KIRREL1: variants seen among roughly 807,000 people sequenced by gnomAD.
KIRREL1 encodes the protein kirre like nephrin family adhesion molecule 1, also known as kin of IRRE-like protein 1.
A neutral mutation model predicts 83.3 loss-of-function variants in KIRREL1; 25 were observed. The ratio of observed to expected loss-of-function variants is 0.30; its 90% confidence interval spans 0.22 to 0.42. The LOEUF is 0.42. Ranked by LOEUF, KIRREL1 falls within the 10% of genes least tolerant of loss-of-function variation. The pLI is 1.00. For synonymous variants in KIRREL1, 388 were observed against 410.4 expected (o/e 0.95, Z 0.66); for missense variants, 812 against 1,032.3 (o/e 0.79, Z 2.92).
chr1:158,024,304 A>G (rs1169520855), intron 1 of KIRREL1, among the ~76,000 whole-genome samples: 2 of 102,746 alleles, frequency 1.9e-5, no homozygotes, highest in African/African-American at 4.0e-5. Flanking sequence ...TTTGAGACAG[A>G]GTATTGCTCT....
chr1:158,017,296 T>A (rs1248114006), intron 1 of KIRREL1, among the ~76,000 whole-genome samples: 2 of 152,154 alleles, frequency 1.3e-5, no homozygotes, highest in Non-Finnish European at 2.9e-5. Flanking sequence ...TTCTAGCCCT[T>A]CTTAGTTTTC....
rs575978566 is a variant in KIRREL1, at chr1:158,048,907, C to G, written c.53-27206C>G. On this transcript the variant is annotated intron_variant, in intron 1 of 14. Transcript: ENST00000359209. The stretch of plus-strand genomic sequence containing the variant: ...AGTCCAATTTGGTAGGAGTTGAGCT[C>G]ACTTCTGAGAGAGAATTGAAAGGTA... 3.3e-5 allele frequency among the ~76,000 whole-genome samples: 5 copies of G among 152,170 alleles called. No homozygotes were observed. The South Asian group carries it at 1.0e-3, about 32-fold the overall frequency.
chr1:158,000,585 G>T (rs547147422), intron 1 of KIRREL1, among the ~76,000 whole-genome samples: 1 of 152,164 alleles, frequency 6.6e-6, no homozygotes, highest in Non-Finnish European at 1.5e-5. Context: ...GATAAAAGCT[G>T]CTGTAGCTCG....
chr1:157,993,767 C>T (rs1659109075), intron 1 of KIRREL1, 39 bp downstream of exon 1: 3 of 1,376,796 alleles, frequency 2.2e-6, no homozygotes, highest in African/African-American at 1.5e-5. Flanking sequence ...CTCGGCTTCC[C>T]CCCGGGGCCG....
intron 1 of KIRREL1, among the ~76,000 whole-genome samples, chr1:158,065,418 G>A (rs571708989): frequency 3.9e-5 from 6 of 152,164 alleles, no homozygotes; most frequent in Non-Finnish European, 8.8e-5. Flanking sequence ...GGGAGGTGTC[G>A]TGCCCAGAGG....
At chr1:158,056,654 T>G (rs1439163057) in intron 1 of KIRREL1, among the ~76,000 whole-genome samples, 1 of 152,220 alleles carries the variant, frequency 6.6e-6, no homozygotes, top group East Asian at 1.9e-4. Context: ...ATAATTCCCC[T>G]GCTTGGAGAG....
intron 1 of KIRREL1, 123 bp from the exon 2 acceptor site, chr1:158,075,990 G>A: frequency 1.2e-6 from 1 of 851,364 alleles, no homozygotes. Flanking sequence ...AGGGGGGCAG[G>A]GACCGGAGAG....
chr1:157,997,806 T>C (rs140469097), intron 1 of KIRREL1, among the ~76,000 whole-genome samples: 1 of 152,364 alleles, frequency 6.6e-6, no homozygotes, highest in East Asian at 1.9e-4. Context: ...ATATGCATTA[T>C]CTAATTTAAT....
At chr1:158,034,845 T>C (rs1660431411) in intron 1 of KIRREL1, among the ~76,000 whole-genome samples, 1 of 152,192 alleles carries the variant, frequency 6.6e-6, no homozygotes. Flanking sequence ...CGTCTAGTTA[T>C]TACTGAAAAA....
chr1:158,007,855 G>A (rs886330344), intron 1 of KIRREL1, among the ~76,000 whole-genome samples: 5 of 151,974 alleles, frequency 3.3e-5, no homozygotes, highest in East Asian at 1.9e-4. Context: ...GATGCTCCCC[G>A]CTCCTGCTGT....
rs138143790 is a variant in KIRREL1, at chr1:158,047,026, A to G, written c.53-29087A>G. ...ACTAGGGATGTTTGGTCATGAGAAG[A>G]GGAGACTCCAGGGATATGTCATAAC... On this transcript the variant is annotated intron_variant, in intron 1 of 14. Coordinates refer to ENST00000359209, the MANE Select transcript of KIRREL1 (RefSeq NM_018240.7). Among the ~76,000 whole-genome samples the G allele has an allele frequency of 4.6e-5, 7 of 152,280 alleles. 1 individual carries two copies. The highest frequency in any genetic ancestry group is 1.7e-4 in the African/African-American group (7 of 41,550).
chr1:158,072,219 C>T (rs1480036327), intron 1 of KIRREL1, among the ~76,000 whole-genome samples: 1 of 152,116 alleles, frequency 6.6e-6, no homozygotes, highest in Non-Finnish European at 1.5e-5. Flanking sequence ...CCCAGCCTGT[C>T]TCTACCTCGG....
chr1:158,007,393 T>C (rs1039288408), intron 1 of KIRREL1, among the ~76,000 whole-genome samples: 8 of 151,978 alleles, frequency 5.3e-5, no homozygotes, highest in Non-Finnish European at 1.0e-4. Flanking sequence ...ACGATTCTTA[T>C]AGGGGGTCTA....
intron 5 of KIRREL1, among the ~76,000 whole-genome samples, chr1:158,087,345 G>A (rs939246055): frequency 6.6e-6 from 1 of 152,128 alleles, no homozygotes; most frequent in Non-Finnish European, 1.5e-5. Flanking sequence ...CATTAAATGA[G>A]ATATAGCAGA....
At chr1:158,091,583 G>A (rs375510665) in intron 11 of KIRREL1, 27 bp downstream of exon 11, 1 of 1,608,456 alleles carries the variant, frequency 6.2e-7, no homozygotes, top group African/African-American at 1.3e-5. Flanking sequence ...CCTGCCAGCT[G>A]GGGTGCAGAG....
intron 1 of KIRREL1, among the ~76,000 whole-genome samples, chr1:158,058,153 A>G (rs1300265347): frequency 6.6e-6 from 1 of 152,102 alleles, no homozygotes; most frequent in Non-Finnish European, 1.5e-5. Flanking sequence ...AAGCTCCCAG[A>G]GGGCCAGGCC....
intron 1 of KIRREL1, among the ~76,000 whole-genome samples, chr1:158,014,341 G>T (rs1051902474): frequency 6.6e-6 from 1 of 152,120 alleles, no homozygotes; most frequent in Non-Finnish European, 1.5e-5. Context: ...GAGAGCTTGT[G>T]AAGCCATGAA....
chr1:158,078,177 T>C (rs1223157482), intron 3 of KIRREL1, 37 bp downstream of exon 3: 1 of 1,600,342 alleles, frequency 6.2e-7, no homozygotes, highest in East Asian at 2.2e-5. Context: ...TTCGAGGCCC[T>C]GTCTCTCTGT....
chr1:158,084,392 G>A (rs777673225), intron 3 of KIRREL1, 30 bp from the exon 4 acceptor site: 4 of 1,537,728 alleles, frequency 2.6e-6, no homozygotes, highest in Non-Finnish European at 3.5e-6. Context: ...GCCACACCCT[G>A]CACTGACTTT....
Sources: allele counts gnomAD v4.1 joint callset (sites outside exome capture counted in the v4.1 genomes callset), GRCh38; gene constraint gnomAD v4.1.1; transcripts MANE v1.5; gene names NCBI Gene and HGNC (gene_info 2026-07-23, HGNC 2026-07-21).